Variants in IL1RAP observed in about 807,000 individuals in gnomAD.
IL1RAP encodes the protein interleukin 1 receptor accessory protein.
Under a neutral mutation model 60.7 loss-of-function variants are expected in IL1RAP, and 35 were observed. The ratio of observed to expected loss-of-function variants is 0.58; its 90% CI spans 0.44 to 0.76. IL1RAP has a LOEUF of 0.76. Ranked by LOEUF, IL1RAP falls within the 30% of genes least tolerant of loss-of-function variation. IL1RAP has a pLI of 0.00. For missense variants in IL1RAP, 572 were observed against 693.9 expected (o/e 0.82, Z 1.97); for synonymous variants, 268 against 250.9 (o/e 1.07, Z -0.64).
At chr3:190,559,911 T>C (rs1725740751) in intron 2 of IL1RAP, among the ~76,000 whole-genome samples, 1 of 152,212 alleles carries the variant, frequency 6.6e-6, no homozygotes, top group South Asian at 2.1e-4. Flanking sequence ...ATGAAGAATA[T>C]TTACTTCATT....
chr3:190,559,075 T>C (rs1312272705), intron 2 of IL1RAP, among the ~76,000 whole-genome samples: 1 of 152,214 alleles, frequency 6.6e-6, no homozygotes, highest in Non-Finnish European at 1.5e-5. Flanking sequence ...TAATAGTTAT[T>C]GGACTATTCA....
chr3:190,557,710 C>T (rs1173622159), intron 2 of IL1RAP, among the ~76,000 whole-genome samples: 1 of 152,022 alleles, frequency 6.6e-6, no homozygotes, highest in African/African-American at 2.4e-5. Flanking sequence ...GGTTAAAACA[C>T]CTTTCTTTAA....
chr3:190,547,745 T>C (rs573533809), intron 1 of IL1RAP, among the ~76,000 whole-genome samples: 1 of 152,194 alleles, frequency 6.6e-6, no homozygotes. Flanking sequence ...ATGTTCTAAT[T>C]TAACTCTTGA....
At chr3:190,578,928 G>C (rs1184950292) in intron 3 of IL1RAP, among the ~76,000 whole-genome samples, 1 of 152,146 alleles carries the variant, frequency 6.6e-6, no homozygotes, top group Admixed American at 6.6e-5. Context: ...CCTCACACTA[G>C]GTCCCTCCCA....
At chr3:190,564,487 A>G in intron 3 of IL1RAP, 134 bp downstream of exon 3, 2 of 671,962 alleles carry the variant, frequency 3.0e-6, no homozygotes, top group Non-Finnish European at 5.4e-6. Context: ...GCAAATAATC[A>G]TAAAGCAGAA....
chr3:190,570,572 TA>T (rs1726824847), intron 3 of IL1RAP, among the ~76,000 whole-genome samples: 1 of 152,124 alleles, frequency 6.6e-6, no homozygotes, highest in Non-Finnish European at 1.5e-5. Flanking sequence ...TTTATTTATT[TA>T]TTTATTTTTT....
chr3:190,609,955 A>C lies in IL1RAP; in HGVS notation c.537+774A>C, dbSNP rs140085520. ...ACTCACTGGAAAGTGTGATGAGCCA[A>C]CGTGAGACCAGGAGCTGAAATTGGG... is the stretch of plus-strand genomic sequence containing the variant. On this transcript the variant is annotated intron_variant, in intron 5 of 11. Transcript: ENST00000447382. 5.4e-4 allele frequency among the ~76,000 whole-genome samples: 83 copies of C among 152,298 alleles called. 1 individual carries two copies. Among genetic ancestry groups the C allele is most frequent in the African/African-American group, 1.9e-3 (80 of 41,568 alleles).
chr3:190,616,852 G>T (rs1286756893), intron 5 of IL1RAP, among the ~76,000 whole-genome samples: 1 of 152,166 alleles, frequency 6.6e-6, no homozygotes, highest in African/African-American at 2.4e-5. Context: ...CAAGCACCAA[G>T]TATTGAGCAA....
At chr3:190,644,477 CAT>C (rs1733873044) in intron 10 of IL1RAP, 80 bp downstream of exon 10, 1 of 1,161,532 alleles carries the variant, frequency 8.6e-7, no homozygotes, top group Non-Finnish European at 1.3e-6. Context: ...AAAAAGAAAA[CAT>C]GTTGATTTGA....
At chr3:190,567,562 A>T (rs1015447616) in intron 3 of IL1RAP, among the ~76,000 whole-genome samples, 4 of 152,164 alleles carry the variant, frequency 2.6e-5, no homozygotes, top group Admixed American at 6.5e-5. Flanking sequence ...GAGTTTCTGG[A>T]TTCCTGACAT....
intron 5 of IL1RAP, among the ~76,000 whole-genome samples, chr3:190,619,608 C>T (rs1731585910): frequency 6.6e-6 from 1 of 151,854 alleles, no homozygotes; most frequent in South Asian, 2.1e-4. Context: ...ACCTGTACTC[C>T]CAGCTTCTCA....
exon 12 of IL1RAP, chr3:190,657,006 A>G (rs571950771): frequency 6.4e-6 from 1 of 155,986 alleles, no homozygotes; most frequent in African/African-American, 2.4e-5. Context: ...ATTCCCAGGG[A>G]GCAGCATGGA....
intron 3 of IL1RAP, among the ~76,000 whole-genome samples, chr3:190,599,937 T>C (rs1202890622): frequency 6.6e-6 from 1 of 152,154 alleles, no homozygotes; most frequent in Admixed American, 6.5e-5. Context: ...GCTTCATGGA[T>C]GAAACAGGTT....
intron 2 of IL1RAP, 94 bp downstream of exon 2, chr3:190,556,310 C>T (rs1025004249): frequency 6.6e-5 from 10 of 151,892 alleles, no homozygotes; most frequent in African/African-American, 9.7e-5. Flanking sequence ...CAAATTTAAA[C>T]AAAACCAAGC....
At position 190,524,083 on chromosome 3, in the gene IL1RAP, G is replaced by A. The variant is rs193083890; in HGVS notation, c.-89+9864G>A. ...TCTGACTGGTGTGAGATGGTATCTC[G>A]TTGTAGTTTTGATTTGAATTTCTCT... On this transcript the variant is annotated intron_variant, in intron 1 of 11. Coordinates refer to ENST00000447382, the MANE Select transcript of IL1RAP (RefSeq NM_002182.4). Among the ~76,000 whole-genome samples the A allele has an allele frequency of 1.5e-3, 228 of 149,604 alleles. 2 individuals are homozygous for A. The highest frequency in any genetic ancestry group is 5.4e-3 in the African/African-American group (211 of 39,146).
intron 10 of IL1RAP, 68 bp downstream of exon 10, chr3:190,644,465 GAAAA>G (rs1480801669): frequency 5.7e-6 from 7 of 1,227,398 alleles, no homozygotes; most frequent in Non-Finnish European, 8.1e-6. Flanking sequence ...GTAAAAAAAA[GAAAA>G]AAGAAAACAT....
intron 1 of IL1RAP, among the ~76,000 whole-genome samples, chr3:190,541,931 T>G (rs1211464571): frequency 6.6e-6 from 1 of 152,160 alleles, no homozygotes; most frequent in African/African-American, 2.4e-5. Context: ...CTTGGGAAAC[T>G]GACTGAGAAA....
chr3:190,615,246 C>T (rs1387333670), intron 5 of IL1RAP: 2 of 1,013,736 alleles, frequency 2.0e-6, no homozygotes, highest in East Asian at 6.0e-5. Context: ...TACAGAATTT[C>T]AAACAGCTGG....
At chr3:190,557,247 C>T (rs753770683) in intron 2 of IL1RAP, among the ~76,000 whole-genome samples, 2 of 152,176 alleles carry the variant, frequency 1.3e-5, no homozygotes, top group African/African-American at 4.8e-5. Context: ...GCTCTTTCAC[C>T]TTCCACTCAC....
Sources: allele counts gnomAD v4.1 joint callset (sites outside exome capture counted in the v4.1 genomes callset), GRCh38; gene constraint gnomAD v4.1.1; transcripts MANE v1.5; gene names NCBI Gene and HGNC (gene_info 2026-07-23, HGNC 2026-07-21).